The following BRD10 variants were observed in gnomAD, a reference collection of about 807,000 sequenced individuals.
BRD10 encodes uncharacterized bromodomain-containing protein 10.
At chr9:5,970,037 G>T in the BRD10 span, among the ~76,000 whole-genome samples, 8 of 152,096 alleles carry the variant, frequency 5.3e-5, no homozygotes, top group African/African-American at 1.9e-4. Context: ...AGTAGAATTT[G>T]ATTACAGTAA....
At chr9:6,005,368 G>T in the BRD10 span, among the ~76,000 whole-genome samples, 1 of 152,108 alleles carries the variant, frequency 6.6e-6, no homozygotes, top group East Asian at 1.9e-4. Flanking sequence ...AAGATTAGCC[G>T]GGCGCGGTGA....
At chr9:6,008,473 G>A in the BRD10 span, among the ~76,000 whole-genome samples, 6 of 151,752 alleles carry the variant, frequency 4.0e-5, no homozygotes, top group East Asian at 7.9e-4. Context: ...CATCCCCGGT[G>A]CGCATGCGTA....
At chr9:5,995,960 A>G in the BRD10 span, among the ~76,000 whole-genome samples, 40 of 152,220 alleles carry the variant, frequency 2.6e-4, no homozygotes, top group African/African-American at 8.9e-4. Flanking sequence ...GTGAAAAGTC[A>G]AAAAGAAAAA....
At chr9:5,974,936 AAT>A in the BRD10 span, among the ~76,000 whole-genome samples, 3 of 152,192 alleles carry the variant, frequency 2.0e-5, no homozygotes, top group Non-Finnish European at 4.4e-5. Flanking sequence ...GAGTCAGAAT[AAT>A]AAAGCTGTTT....
At chr9:5,945,945 C>A in the BRD10 span, among the ~76,000 whole-genome samples, 1 of 151,954 alleles carries the variant, frequency 6.6e-6, no homozygotes, top group Non-Finnish European at 1.5e-5. Context: ...TCACCATTAG[C>A]TTTTATCAGC....
the BRD10 span, among the ~76,000 whole-genome samples, chr9:5,896,765 G>A: frequency 1.3e-5 from 2 of 152,190 alleles, no homozygotes; most frequent in African/African-American, 4.8e-5. Flanking sequence ...TAACTGTAAT[G>A]CTTCCCAGGG....
chr9:5,897,459 C>A, the BRD10 span: 3 of 1,097,918 alleles, frequency 2.7e-6, no homozygotes, highest in South Asian at 2.6e-5. Context: ...TGCTCTGGGT[C>A]GTCAAAGTCC....
chr9:5,923,148 T>G, the BRD10 span: 45 of 1,613,918 alleles, frequency 2.8e-5, no homozygotes, highest in Non-Finnish European at 5.9e-6. Flanking sequence ...GCCTTCTTCC[T>G]TGGAGAAAGC....
At chr9:5,907,718 C>T in the BRD10 span, among the ~76,000 whole-genome samples, 2 of 152,114 alleles carry the variant, frequency 1.3e-5, no homozygotes, top group African/African-American at 2.4e-5. Context: ...TTCGGGAGGC[C>T]GAGGTGGGTG....
At chr9:5,995,513 C>T in the BRD10 span, among the ~76,000 whole-genome samples, 1 of 152,148 alleles carries the variant, frequency 6.6e-6, no homozygotes, top group Non-Finnish European at 1.5e-5. Flanking sequence ...TCCAAGTTTC[C>T]CTGAGGAACA....
the BRD10 span, among the ~76,000 whole-genome samples, chr9:5,942,206 T>C: frequency 2.6e-5 from 4 of 152,146 alleles, no homozygotes; most frequent in Middle Eastern, 3.4e-3. Flanking sequence ...TTCCTATATA[T>C]AACAATATAA....
At chr9:5,992,594 G>C in the BRD10 span, among the ~76,000 whole-genome samples, 88,443 of 151,886 alleles carry the variant, frequency 0.58, 27,430 homozygotes, top group Non-Finnish European at 0.72. Context: ...CTGTCTATTA[G>C]GGAAATCATT....
the BRD10 span, chr9:5,924,517 T>A: frequency 8.5e-6 from 4 of 468,472 alleles, no homozygotes; most frequent in African/African-American, 2.0e-5. Flanking sequence ...CTTATAAGGA[T>A]GTGGACACTA....
the BRD10 span, among the ~76,000 whole-genome samples, chr9:5,911,407 T>TG: frequency 1.4e-5 from 2 of 144,742 alleles, no homozygotes; most frequent in African/African-American, 5.2e-5. Context: ...CTATGTGTGT[T>TG]TTTTTTTTTT....
the BRD10 span, among the ~76,000 whole-genome samples, chr9:5,914,410 G>GTT: frequency 4.4e-4 from 33 of 75,482 alleles, 4 homozygotes; most frequent in African/African-American, 1.6e-3. Context: ...AATCCAGATG[G>GTT]TTTTTTTTTT....
the BRD10 span, among the ~76,000 whole-genome samples, chr9:6,004,422 T>G: frequency 6.6e-6 from 1 of 152,160 alleles, no homozygotes; most frequent in South Asian, 2.1e-4. Flanking sequence ...ATAAGGAAAC[T>G]GAGATTCAAG....
the BRD10 span, among the ~76,000 whole-genome samples, chr9:6,000,593 T>C: frequency 6.6e-6 from 1 of 152,212 alleles, no homozygotes; most frequent in African/African-American, 2.4e-5. Context: ...TAGAATCTGT[T>C]AGGACATTTT....
chr9:5,997,380 T>C, the BRD10 span, among the ~76,000 whole-genome samples: 1 of 152,196 alleles, frequency 6.6e-6, no homozygotes, highest in Non-Finnish European at 1.5e-5. Context: ...CAAATGTTGC[T>C]TCTGCTATAC....
At chr9:5,882,596 C>T in the BRD10 span, among the ~76,000 whole-genome samples, 2 of 152,322 alleles carry the variant, frequency 1.3e-5, no homozygotes, top group East Asian at 3.9e-4. Flanking sequence ...TACTGCCTGT[C>T]CAGTCTCACA....
Sources: gnomAD v4.1 joint callset for allele counts (sites outside exome capture counted in the v4.1 genomes callset) on GRCh38, gnomAD v4.1.1 for gene constraint, MANE v1.5 for transcripts, NCBI Gene and HGNC (gene_info 2026-07-23, HGNC 2026-07-21) for gene names.